DCLK1: variants seen among roughly 807,000 people sequenced by gnomAD.
DCLK1 encodes the protein serine/threonine-protein kinase DCLK1.
Under a neutral mutation model 86.2 loss-of-function variants are expected in DCLK1, and 16 were observed. The observed-to-expected ratio is 0.19, with a 90% CI of 0.13 to 0.28. The LOEUF (loss-of-function observed/expected upper bound fraction) is 0.28. Among genes scored for constraint, DCLK1 ranks in the 10% least tolerant of loss-of-function variants. DCLK1 has a pLI of 1.00. For missense variants in DCLK1, 590 were observed against 940.2 expected, an observed-to-expected ratio of 0.63 and a Z score of 4.87; for synonymous variants, 369 against 370.5, an observed-to-expected ratio of 1.00 and a Z score of 0.05.
chr13:35,828,124 T>C lies in DCLK1; in HGVS notation c.1287+126A>G, dbSNP rs145978865. 1.3e-3 allele frequency: 930 copies of C among 734,910 alleles called. 7 individuals carry two copies. The African/African-American group carries it at 0.014, about 11-fold the overall frequency. The allele number at this position is 734,910 out of a possible 1,614,324, so 45.5% of individuals were successfully genotyped here. The stretch of plus-strand genomic sequence containing the variant: ...ATACATAAAGTTATATTCTAGTAAG[T>C]GTATAACATTCTATTCCACCAAAAT... On this transcript the variant is annotated intron_variant, in intron 9 of 16. Coordinates refer to ENST00000360631, the MANE Select transcript of DCLK1 (RefSeq NM_001330071.2).
intron 3 of DCLK1, among the ~76,000 whole-genome samples, chr13:35,956,543 T>A (rs757053824): frequency 1.8e-5 from 2 of 111,214 alleles, no homozygotes; most frequent in Admixed American, 2.0e-4. Context: ...TATGGCTGGT[T>A]CTCTGCTTAA....
intron 3 of DCLK1, among the ~76,000 whole-genome samples, chr13:36,101,029 C>A (rs989038653): frequency 1.3e-5 from 2 of 152,200 alleles, no homozygotes; most frequent in East Asian, 3.8e-4. Flanking sequence ...TTGTCTCATG[C>A]GTAGGGACTC....
At chr13:35,965,420 C>T (rs141167221) in intron 3 of DCLK1, among the ~76,000 whole-genome samples, 137 of 152,284 alleles carry the variant, frequency 9.0e-4, no homozygotes, top group African/African-American at 2.4e-3. Flanking sequence ...TTTTGTACTG[C>T]GTGCATGTGC....
chr13:35,812,752 A>T (rs2087174933), intron 11 of DCLK1, among the ~76,000 whole-genome samples: 2 of 152,198 alleles, frequency 1.3e-5, no homozygotes, highest in Admixed American at 1.3e-4. Flanking sequence ...GTTGATCAGG[A>T]TCAAGTTTGG....
chr13:35,850,841 G>A, intron 6 of DCLK1: 5 of 1,447,808 alleles, frequency 3.5e-6, no homozygotes, highest in Non-Finnish European at 4.6e-6. Context: ...TGGCTCTCGT[G>A]AGAGCAGCAC....
At chr13:35,936,996 GTC>G (rs1281103521) in intron 4 of DCLK1, among the ~76,000 whole-genome samples, 2 of 88,198 alleles carry the variant, frequency 2.3e-5, no homozygotes, top group Non-Finnish European at 4.7e-5. Context: ...TTGAGACGGA[GTC>G]TCTCTCTGTT....
chr13:35,882,263 T>C (rs1872960866), intron 4 of DCLK1, among the ~76,000 whole-genome samples: 1 of 152,218 alleles, frequency 6.6e-6, no homozygotes, highest in African/African-American at 2.4e-5. Context: ...TGTTATTTCC[T>C]TGACCTCTTT....
chr13:35,992,563 G>A (rs1880283955), intron 3 of DCLK1, among the ~76,000 whole-genome samples: 1 of 151,916 alleles, frequency 6.6e-6, no homozygotes, highest in Non-Finnish European at 1.5e-5. Flanking sequence ...ACTTACTGCA[G>A]TCATCTTGAA....
At chr13:36,074,296 A>G (rs1048527038) in intron 3 of DCLK1, among the ~76,000 whole-genome samples, 7 of 151,876 alleles carry the variant, frequency 4.6e-5, no homozygotes, top group African/African-American at 1.7e-4. Flanking sequence ...AGGTCAGGAG[A>G]TCGAGACCTT....
rs1401687999 is a variant in DCLK1 at position 35,837,734 on chromosome 13, C to T, written c.1120+1358G>A. Among the ~76,000 whole-genome samples the T allele has an allele frequency of 2.6e-5, 4 of 151,954 alleles. No homozygotes were observed. In the East Asian group the frequency reaches 5.8e-4, roughly 22 times the overall value. ...GTGGCTTGGGATTTTTTTTCCTTGA[C>T]TATTCATAAAAGGTACCTTTCCTCA... is the stretch of plus-strand genomic sequence containing the variant. On this transcript the variant is annotated intron_variant, in intron 7 of 16. Transcript: ENST00000360631.
intron 4 of DCLK1, among the ~76,000 whole-genome samples, chr13:35,886,716 C>T (rs1873286031): frequency 6.6e-6 from 1 of 152,182 alleles, no homozygotes; most frequent in Non-Finnish European, 1.5e-5. Flanking sequence ...TAACTCAGTA[C>T]ATGAACCAGA....
chr13:36,128,170 A>G (rs768690118), intron 1 of DCLK1, among the ~76,000 whole-genome samples: 4 of 152,104 alleles, frequency 2.6e-5, no homozygotes, highest in Non-Finnish European at 5.9e-5. Flanking sequence ...GTACTCCAGA[A>G]ATGAAGTGAA....
chr13:36,023,916 T>TTC (rs386378801), intron 3 of DCLK1, among the ~76,000 whole-genome samples: 1 of 150,232 alleles, frequency 6.7e-6, no homozygotes, highest in Non-Finnish European at 1.5e-5. Context: ...TTTTTTTTTT[T>TTC]TGGAGACAGT....
At chr13:36,056,661 A>C (rs12586057) in intron 3 of DCLK1, among the ~76,000 whole-genome samples, 24,928 of 147,648 alleles carry the variant, frequency 0.17, 2,614 homozygotes, top group East Asian at 0.46. Flanking sequence ...AGCACACAAA[A>C]AAAAAAATTA....
chr13:35,918,595 G>C (rs1327391161), intron 4 of DCLK1, among the ~76,000 whole-genome samples: 1 of 152,058 alleles, frequency 6.6e-6, no homozygotes, highest in African/African-American at 2.4e-5. Context: ...GTCTTTGTTC[G>C]ATCATTCAAC....
intron 14 of DCLK1, among the ~76,000 whole-genome samples, chr13:35,807,548 C>T (rs2087052792): frequency 6.6e-6 from 1 of 152,212 alleles, no homozygotes; most frequent in Non-Finnish European, 1.5e-5. Context: ...ATTCAGTATA[C>T]ATTGAGCACC....
chr13:36,015,659 C>T (rs966536405), intron 3 of DCLK1, among the ~76,000 whole-genome samples: 1 of 152,240 alleles, frequency 6.6e-6, no homozygotes, highest in Admixed American at 6.5e-5. Context: ...TAAAAGGCAT[C>T]AACATCCAGC....
intron 8 of DCLK1, 128 bp downstream of exon 8, chr13:35,835,905 T>G (rs958606358): frequency 3.1e-5 from 21 of 674,804 alleles, no homozygotes; most frequent in Non-Finnish European, 4.6e-5. Flanking sequence ...CAAAAAATTC[T>G]TTTGCATTTG....
chr13:35,905,107 G>T (rs1027103473), intron 4 of DCLK1, among the ~76,000 whole-genome samples: 5 of 152,304 alleles, frequency 3.3e-5, no homozygotes, highest in African/African-American at 9.6e-5. Flanking sequence ...CAATGAGAGG[G>T]TGTCAAAAGA....
Sources: allele counts gnomAD v4.1 joint callset (sites outside exome capture counted in the v4.1 genomes callset), GRCh38; gene constraint gnomAD v4.1.1; transcripts MANE v1.5; gene names NCBI Gene and HGNC (gene_info 2026-07-23, HGNC 2026-07-21).